RPA1: variants seen among roughly 807,000 people sequenced by gnomAD.
RPA1 encodes replication protein A 70 kDa DNA-binding subunit.
In RPA1, 49 loss-of-function variants were observed where a neutral mutation model predicts 83.0. That is an observed-to-expected ratio of 0.59 (90% CI 0.47 to 0.75). RPA1 has a LOEUF of 0.75. Among genes scored for constraint, RPA1 ranks in the 30% least tolerant of loss-of-function variants. The pLI, the probability that RPA1 is intolerant of heterozygous loss-of-function variation, is 0.00. For missense variants in RPA1, 693 were observed against 776.1 expected, an observed-to-expected ratio of 0.89 and a Z score of 1.27; for synonymous variants, 279 against 281.8, an observed-to-expected ratio of 0.99 and a Z score of 0.10.
intron 5 of RPA1, among the ~76,000 whole-genome samples, chr17:1,868,753 G>A (rs1326410475): frequency 6.6e-6 from 1 of 152,056 alleles, no homozygotes; most frequent in Non-Finnish European, 1.5e-5. Flanking sequence ...AAAGAAAAAA[G>A]AAATTGTCTG....
At chr17:1,872,606 A>G in intron 6 of RPA1, 80 bp downstream of exon 6, 1 of 1,558,218 alleles carries the variant, frequency 6.4e-7, no homozygotes, top group Non-Finnish European at 8.7e-7. Flanking sequence ...CTGGGACTAA[A>G]GGGAGTTTTC....
chr17:1,883,178 C>T lies in RPA1; in HGVS notation c.1242-634C>T, dbSNP rs147387460. On this transcript the variant is annotated intron_variant, in intron 12 of 16. Transcript: ENST00000254719. ...TCTTAAAAAAATTTTTTTTTCGAGA[C>T]GGAGTTTCGGTCTTGTTGCCCAGGC... Among the ~76,000 whole-genome samples the T allele has an allele frequency of 7.5e-3, 1,146 of 152,124 alleles. 12 individuals carry two copies. The highest frequency in any genetic ancestry group is 0.026 in the African/African-American group (1,092 of 41,488).
At chr17:1,869,334 T>C (rs1305867588) in intron 5 of RPA1, among the ~76,000 whole-genome samples, 1 of 152,066 alleles carries the variant, frequency 6.6e-6, no homozygotes, top group African/African-American at 2.4e-5. Context: ...GTCAGGAGTT[T>C]GAGACCAGCC....
rs537810948 is a variant in RPA1, at chr17:1,884,647, C to T, written c.1374+703C>T. On this transcript the variant is annotated intron_variant, in intron 13 of 16. Transcript: ENST00000254719. This position sits in a 1 kb window ranked among gnomAD's most constrained non-coding sequence, Gnocchi z 4.1. ...CATTTCACTGTATACCCTTATCCAT[C>T]ATTGTCAACAGCAGCTCTTAAGTGC... Among the ~76,000 whole-genome samples the T allele has an allele frequency of 9.2e-5, 14 of 152,170 alleles. No homozygotes were observed. The highest frequency in any genetic ancestry group is 1.9e-4 in the Non-Finnish European group (13 of 68,034).
intron 1 of RPA1, among the ~76,000 whole-genome samples, chr17:1,834,852 G>A (rs1761746491): frequency 6.6e-6 from 1 of 151,914 alleles, no homozygotes; most frequent in Admixed American, 6.6e-5. Context: ...TACATTTGTT[G>A]CTTTATATAC....
chr17:1,856,329 G>A (rs564566135), intron 5 of RPA1, among the ~76,000 whole-genome samples: 6 of 99,718 alleles, frequency 6.0e-5, no homozygotes, highest in African/African-American at 2.4e-4. Context: ...AGGTGCTGTG[G>A]CTCACGCCCA....
chr17:1,843,455 C>T (rs570940287), intron 2 of RPA1, among the ~76,000 whole-genome samples: 2 of 151,922 alleles, frequency 1.3e-5, no homozygotes, highest in Middle Eastern at 6.8e-3. Context: ...CCGGCTCTGC[C>T]GCCTGATCAC....
chr17:1,849,844 A>G (rs1164436263), intron 4 of RPA1, among the ~76,000 whole-genome samples: 4 of 152,078 alleles, frequency 2.6e-5, no homozygotes, highest in Non-Finnish European at 5.9e-5. Flanking sequence ...CTTTTACTAC[A>G]TCTTGATATG....
intron 1 of RPA1, among the ~76,000 whole-genome samples, chr17:1,830,401 C>T (rs545867232): frequency 6.6e-6 from 1 of 152,348 alleles, no homozygotes; most frequent in Non-Finnish European, 1.5e-5. Context: ...CACCTGCGGA[C>T]ACTTTCTGTC....
intron 5 of RPA1, among the ~76,000 whole-genome samples, chr17:1,865,428 A>G (rs968360491): frequency 3.9e-5 from 6 of 152,246 alleles, no homozygotes; most frequent in African/African-American, 1.4e-4. Flanking sequence ...ATATTTGTCC[A>G]TTAAAACTTG....
At chr17:1,830,292 C>T (rs905691279) in intron 1 of RPA1, among the ~76,000 whole-genome samples, 166 bp downstream of exon 1, 11 of 152,290 alleles carry the variant, frequency 7.2e-5, no homozygotes, top group Non-Finnish European at 1.6e-4. Flanking sequence ...GTGTCATCGC[C>T]CCCTCCTCAA....
chr17:1,842,939 T>C (rs1912114459), intron 2 of RPA1, 86 bp downstream of exon 2: 2 of 1,430,496 alleles, frequency 1.4e-6, no homozygotes, highest in Non-Finnish European at 2.0e-6. Flanking sequence ...ACAGACAGAT[T>C]TGTCCACTTT....
chr17:1,897,395 A>G lies in RPA1; in HGVS notation c.*220A>G. On this transcript the variant is annotated 3_prime_UTR_variant, in exon 17 of 17. Coordinates refer to ENST00000254719, the MANE Select transcript of RPA1 (RefSeq NM_002945.5). ...TAGACTGTGTCAGGCCTACGGAGTC[A>G]GCCAGTGGCTAGCGCAAGACCAGTC... is the stretch of plus-strand genomic sequence containing the variant. 4.1e-6 allele frequency: 2 copies of G among 491,654 alleles called. No individual in the cohort carries two copies. The highest frequency in any genetic ancestry group is 7.2e-6 in the Non-Finnish European group (2 of 278,170). 30.5% of individuals were successfully genotyped at this position (491,654 alleles called of 1,614,324 possible).
chr17:1,872,502 C>T lies in RPA1; in HGVS notation c.430C>T (p.Pro144Ser), dbSNP rs1913412201. ...CCCAGCAGCAAGCAGCAGGCCCCAG[C>T]CGCAGAATGGAAGCTCGGGAATGGG... ...ASPAASSRPQ[P>S]QNGSSGMGST... The change falls in exon 6 of 17, where the codon CCG becomes TCG. Residue 144 changes from proline (P) to serine (S), a missense_variant. Coordinates refer to ENST00000254719, the MANE Select transcript of RPA1 (RefSeq NM_002945.5). 7 of 1,614,010 alleles carry T rather than the reference C, an allele frequency of 4.3e-6. No individual in the cohort carries two copies. Among genetic ancestry groups the T allele is most frequent in the Non-Finnish European group, 5.9e-6 (7 of 1,180,020 alleles).
intron 4 of RPA1, among the ~76,000 whole-genome samples, chr17:1,846,907 T>C (rs2151272709): frequency 6.6e-6 from 1 of 152,326 alleles, no homozygotes; most frequent in East Asian, 1.9e-4. Flanking sequence ...ATTAGATGTA[T>C]AATAGTATTG....
chr17:1,888,637 C>G (rs200237855), intron 13 of RPA1, 38 bp from the exon 14 acceptor site: 1,317 of 1,577,366 alleles, frequency 8.3e-4, no homozygotes, highest in Non-Finnish European at 1.1e-3. Flanking sequence ...TGGGCGGGCT[C>G]GCGACTCCGT....
At chr17:1,841,883 A>G (rs1341722493) in intron 1 of RPA1, among the ~76,000 whole-genome samples, 3 of 152,092 alleles carry the variant, frequency 2.0e-5, no homozygotes, top group East Asian at 3.8e-4. Flanking sequence ...ATTTTTCTCT[A>G]TTCTTTGAAT....
At position 1,894,991 on chromosome 17, in the gene RPA1, TTA is replaced by T; in HGVS notation, c.1660-16_1660-15del. 1 of 1,608,002 alleles carries T rather than the reference TTA, an allele frequency of 6.2e-7. No homozygotes were observed. The highest frequency in any genetic ancestry group is 8.5e-7 in the Non-Finnish European group (1 of 1,175,202). ...TCCAGTGGTTTCCATGTGTCAAGTT[TTA>T]TGTTTGTTTTTGCAGAATGAACAGG... On this transcript the variant is annotated splice_polypyrimidine_tract_variant and intron_variant, in intron 15 of 16. Coordinates refer to ENST00000254719, the MANE Select transcript of RPA1 (RefSeq NM_002945.5).
rs922654124 is a variant in RPA1 at position 1,831,405 on chromosome 17, T to A, written c.33+1279T>A. 2.6e-5 allele frequency among the ~76,000 whole-genome samples: 4 copies of A among 152,222 alleles called. No individual in the cohort carries two copies. The East Asian group carries it at 7.7e-4, about 29-fold the overall frequency. On this transcript the variant is annotated intron_variant, in intron 1 of 16. Coordinates refer to ENST00000254719, the MANE Select transcript of RPA1 (RefSeq NM_002945.5). ...CTCTGCGTAGATCTATCAAGCCCAC[T>A]GGCTTCTCTCCATCCATACTGGCAC...
Sources: allele counts gnomAD v4.1 joint callset (sites outside exome capture counted in the v4.1 genomes callset), GRCh38; gene constraint gnomAD v4.1.1; non-coding constraint Gnocchi (gnomAD v3.1); transcripts MANE v1.5; gene names NCBI Gene and HGNC (gene_info 2026-07-23, HGNC 2026-07-21).